SLC3A1: variants seen among roughly 807,000 people sequenced by gnomAD.
The protein encoded by SLC3A1 is solute carrier family 3 member 1.
In SLC3A1, 78 loss-of-function variants were observed where a neutral mutation model predicts 60.3. That is an observed-to-expected ratio of 1.29 (90% CI 1.08 to 1.56). SLC3A1 has a LOEUF of 1.56. Ranked by LOEUF, SLC3A1 falls within the 40% of genes most tolerant of loss-of-function variation. The pLI, the probability that SLC3A1 is intolerant of heterozygous loss-of-function variation, is 0.00. For synonymous variants in SLC3A1, 392 were observed against 307.9 expected (o/e 1.27, Z -2.86); for missense variants, 1,172 against 858.9 (o/e 1.36, Z -4.56).
downstream of SLC3A1, chr2:44,321,915 A>C: frequency 6.2e-7 from 1 of 1,608,020 alleles, no homozygotes. Flanking sequence ...AAGAGTTAAC[A>C]TGTAGAACAA....
At position 44,320,241 on chromosome 2, in the gene SLC3A1, G is replaced by A. The variant is rs1418838313; in HGVS notation, c.1660G>A (p.Asp554Asn). Residue 554 changes from aspartate (D) to asparagine (N), a missense_variant, in exon 10 of 10, where the codon GAT becomes AAT. Physicochemically the swap from Asp to Asn is conservative, Grantham distance 23. Coordinates refer to ENST00000260649, the MANE Select transcript of SLC3A1 (RefSeq NM_000341.4). ...CAGATCGGCTTTGAAGTTATATCAA[G>A]ATTTAAGTCTACTTCATGCCAATGA... ...QPRSALKLYQ[D>N]LSLLHANELL... The A allele has an allele frequency of 6.2e-7, 1 of 1,613,918 alleles. No individual in the cohort carries two copies. Among genetic ancestry groups the A allele is most frequent in the Admixed American group, 1.7e-5 (1 of 59,970 alleles).
In SLC3A1 at chr2:44,275,725, C is replaced by G; in HGVS notation, c.190C>G (p.Pro64Ala). Residue 64 changes from proline (P) to alanine (A), a missense_variant, in exon 1 of 10, where the codon CCC (proline) becomes GCC (alanine). Coordinates refer to ENST00000260649, the MANE Select transcript of SLC3A1 (RefSeq NM_000341.4). ...GGAGCCCGACTTCAAGGGCGTCCAG[C>G]CCTATGCGGGGATGCCCAAGGAGGT... ...SQEPDFKGVQPYAGMPKEVLF... is the reference protein window; with the variant it reads ...SQEPDFKGVQAYAGMPKEVLF... 1 of 1,614,216 alleles carries G rather than the reference C, an allele frequency of 6.2e-7. No homozygotes were observed. The highest frequency in any genetic ancestry group is 8.5e-7 in the Non-Finnish European group (1 of 1,180,014).
intron 4 of SLC3A1, among the ~76,000 whole-genome samples, chr2:44,287,052 T>C (rs1308182030): frequency 2.6e-5 from 4 of 152,154 alleles, no homozygotes; most frequent in Non-Finnish European, 5.9e-5. Context: ...TCTGTACTCA[T>C]TGAGTAAATA....
At chr2:44,318,014 T>A (rs1672574462) in intron 9 of SLC3A1, 1 of 361,516 alleles carries the variant, frequency 2.8e-6, no homozygotes, top group African/African-American at 2.2e-5. Flanking sequence ...AATGAAGTTA[T>A]CTTTTGACCT....
intron 1 of SLC3A1, among the ~76,000 whole-genome samples, chr2:44,276,760 G>A (rs191660885): frequency 1.3e-5 from 2 of 152,218 alleles, no homozygotes; most frequent in African/African-American, 4.8e-5. Context: ...TTCTTGGTGG[G>A]TTATGTGTAA....
chr2:44,304,268 G>C lies in SLC3A1; in HGVS notation c.1262G>C (p.Gly421Ala), dbSNP rs111919656. The stretch of plus-strand genomic sequence containing the variant: ...CTCAGCATGCTAGACACTGTTTCTG[G>C]GAACAGCGTGTATGAGGTTATCACA... Reference protein sequence around the residue: ...NYLSMLDTVSGNSVYEVITSW... With the variant: ...NYLSMLDTVSANSVYEVITSW... The change falls in exon 7 of 10, where the codon GGG (glycine) becomes GCG (alanine). Residue 421 changes from glycine to alanine, a missense_variant. By Grantham distance (60) the Gly-to-Ala change is moderately conservative. Transcript: ENST00000260649. The C allele has an allele frequency of 6.2e-7, 1 of 1,614,134 alleles. No individual in the cohort carries two copies. The highest frequency in any genetic ancestry group is 1.3e-5 in the African/African-American group (1 of 75,022).
At chr2:44,281,263 A>G (rs1572790452) in intron 2 of SLC3A1, 124 bp from the exon 3 acceptor site, 2 of 840,694 alleles carry the variant, frequency 2.4e-6, no homozygotes, top group Admixed American at 2.0e-5. Context: ...GGCTCAAGCA[A>G]TCCTCCTACC....
intron 4 of SLC3A1, among the ~76,000 whole-genome samples, chr2:44,288,910 C>G (rs1362462093): frequency 3.9e-5 from 6 of 152,096 alleles, no homozygotes; most frequent in African/African-American, 1.4e-4. Flanking sequence ...TCTCGGCTCA[C>G]TGCAACCCCA....
At chr2:44,315,503 C>CAA (rs11324145) in intron 9 of SLC3A1, among the ~76,000 whole-genome samples, 53 of 132,724 alleles carry the variant, frequency 4.0e-4, no homozygotes, top group East Asian at 9.0e-4. Context: ...CTACCCCCGC[C>CAA]AAAAAAAAAA....
chr2:44,283,404 C>A (rs1671544233), intron 3 of SLC3A1, among the ~76,000 whole-genome samples: 2 of 152,150 alleles, frequency 1.3e-5, no homozygotes, highest in South Asian at 4.1e-4. Flanking sequence ...AAAATACTTA[C>A]TCTGTGCCAG....
intron 8 of SLC3A1, 52 bp downstream of exon 8, chr2:44,312,805 A>G: frequency 6.7e-7 from 1 of 1,492,916 alleles, no homozygotes; most frequent in African/African-American, 1.6e-5. Context: ...CCAAGTATTC[A>G]TTTTTTATTT....
Position 44,320,629 on chromosome 2 carries a change from C to A in SLC3A1, c.2048C>A (p.Thr683Asn). 1 of 1,613,404 alleles carries A rather than the reference C, an allele frequency of 6.2e-7. No homozygotes were observed. The highest frequency in any genetic ancestry group is 8.5e-7 in the Non-Finnish European group (1 of 1,179,454). ...CYSSVLNILY[T>N]SC ...TCCAGTGTACTGAACATACTGTATA[C>A]CTCGTGTTAGGCACCTTTATGAAGA... Residue 683 changes from threonine to asparagine, a missense_variant, in exon 10 of 10, where the codon ACC becomes AAC. Physicochemically the swap from Thr to Asn is moderately conservative, Grantham distance 65. Transcript: ENST00000260649.
At chr2:44,295,920 G>A (rs555071307) in intron 4 of SLC3A1, among the ~76,000 whole-genome samples, 21 of 152,304 alleles carry the variant, frequency 1.4e-4, no homozygotes, top group African/African-American at 2.6e-4. Flanking sequence ...CAGGTTGCGC[G>A]GGGTCTGAAG....
intron 1 of SLC3A1, among the ~76,000 whole-genome samples, chr2:44,278,533 C>T (rs1253169739): frequency 6.6e-6 from 1 of 151,996 alleles, no homozygotes; most frequent in African/African-American, 2.4e-5. Flanking sequence ...TCCCAGGTGT[C>T]GAATGACTCT....
At position 44,300,109 on chromosome 2, in the gene SLC3A1, C is replaced by A. The variant is rs1022077340; in HGVS notation, c.1011+19C>A. ...AATCCCGGTAAAGTTTTATTTTAAACGTTTTTCTTTTGCCTTTTCTGAAAA... is the reference window on the plus strand; with the variant it reads ...AATCCCGGTAAAGTTTTATTTTAAAAGTTTTTCTTTTGCCTTTTCTGAAAA... On this transcript the variant is annotated intron_variant, in intron 5 of 9. Coordinates refer to ENST00000260649, the MANE Select transcript of SLC3A1 (RefSeq NM_000341.4). 2 of 1,612,762 alleles carry A rather than the reference C, an allele frequency of 1.2e-6. No individual in the cohort carries two copies. The highest frequency in any genetic ancestry group is 1.3e-5 in the African/African-American group (1 of 74,862).
rs747721403 is a variant in SLC3A1 at position 44,276,350 on chromosome 2, C to T, written c.430+385C>T. 3.3e-5 allele frequency among the ~76,000 whole-genome samples: 5 copies of T among 151,984 alleles called. No individual in the cohort carries two copies. In the East Asian group the frequency reaches 5.8e-4, roughly 18 times the overall value. ...AGTTGGGAATTGCTTTCCCAGTATA[C>T]GAAGCAGCTAGTTTGGCTGTGTGGC... On this transcript the variant is annotated intron_variant, in intron 1 of 9. Transcript: ENST00000260649.
chr2:44,321,247 T>C lies in SLC3A1; in HGVS notation c.*608T>C. 1.0e-6 allele frequency: 1 copy of C among 979,184 alleles called. No individual in the cohort carries two copies. The highest frequency in any genetic ancestry group is 1.7e-5 in the South Asian group (1 of 59,494). 60.7% of individuals were successfully genotyped at this position (979,184 alleles called of 1,614,324 possible). A position where few individuals can be genotyped will look rare whatever the true frequency, so the allele number is the denominator to read the frequency against. On this transcript the variant is annotated 3_prime_UTR_variant, in exon 10 of 10. Transcript: ENST00000260649. The stretch of plus-strand genomic sequence containing the variant: ...AGATGGAGAAGCACATTTTAAAAAA[T>C]TAATAACTTAAAAGTCTCAAGTTAT...
At chr2:44,318,833 A>G (rs1672671524) in intron 9 of SLC3A1, 1 of 152,246 alleles carries the variant, frequency 6.6e-6, no homozygotes, top group Non-Finnish European at 1.5e-5. Flanking sequence ...AGACAAAGGC[A>G]ATTTTCAAAA....
At chr2:44,319,976 G>A (rs373643441) in intron 9 of SLC3A1, 102 of 543,930 alleles carry the variant, frequency 1.9e-4, no homozygotes, top group African/African-American at 1.6e-3. Context: ...AGCACTGTGC[G>A]TACTTATTGA....
Sources: gnomAD v4.1 joint callset for allele counts (sites outside exome capture counted in the v4.1 genomes callset) on GRCh38, gnomAD v4.1.1 for gene constraint, MANE v1.5 for transcripts, NCBI Gene and HGNC (gene_info 2026-07-23, HGNC 2026-07-21) for gene names.